Variants in NCAM2 observed in about 807,000 individuals in gnomAD.
The protein encoded by NCAM2 is N-CAM-2.
Under a neutral mutation model 98.1 loss-of-function variants are expected in NCAM2, and 30 were observed. That is an observed-to-expected ratio of 0.31 (90% CI 0.23 to 0.41). The LOEUF (loss-of-function observed/expected upper bound fraction) is 0.41. NCAM2 is among the 10% of genes least tolerant of loss of function. NCAM2 has a pLI of 1.00. For synonymous variants in NCAM2, 368 were observed against 342.4 expected (o/e 1.07, Z -0.83); for missense variants, 867 against 1,005.8 (o/e 0.86, Z 1.87).
At chr21:21,006,588 C>A (rs2064117923) in intron 1 of NCAM2, among the ~76,000 whole-genome samples, 1 of 152,130 alleles carries the variant, frequency 6.6e-6, no homozygotes, top group Non-Finnish European at 1.5e-5. Flanking sequence ...AGCCAGGCTT[C>A]CTCACAATTA....
At position 21,390,550 on chromosome 21, in the gene NCAM2, A is replaced by C. The variant is rs576517381; in HGVS notation, c.1195+16537A>C. Among the ~76,000 whole-genome samples, 60 of 152,314 alleles carry C rather than the reference A, an allele frequency of 3.9e-4. No homozygotes were observed. In the South Asian group the frequency reaches 0.012, roughly 32 times the overall value. ...CAAGTGCATTTCATAGTGTTATTGTAATTTACATCACCTTAACATAAATGT... is the reference window on the plus strand; with the variant it reads ...CAAGTGCATTTCATAGTGTTATTGTCATTTACATCACCTTAACATAAATGT... On this transcript the variant is annotated intron_variant, in intron 9 of 17. Transcript: ENST00000400546.
chr21:21,081,288 C>T (rs568816495), intron 1 of NCAM2, among the ~76,000 whole-genome samples: 7 of 152,226 alleles, frequency 4.6e-5, no homozygotes, highest in South Asian at 2.1e-4. Flanking sequence ...GAGATCTTGT[C>T]GGGAAGCTAC....
Position 20,998,568 on chromosome 21 carries a change from G to A in NCAM2, c.5G>A (p.Ser2Asn). M[S>N]LLLSFYLLGL... ...CACCGGTGTCACGTCCTGAACATGA[G>A]CCTCCTCCTCTCCTTCTACCTGCTG... is the stretch of plus-strand genomic sequence containing the variant. The change falls in exon 1 of 18, where the codon AGC becomes AAC. Residue 2 changes from serine (S) to asparagine (N), a missense_variant. Transcript: ENST00000400546. 6.2e-7 allele frequency: 1 copy of A among 1,614,018 alleles called. No homozygotes were observed. The highest frequency in any genetic ancestry group is 2.2e-5 in the East Asian group (1 of 44,836).
intron 1 of NCAM2, among the ~76,000 whole-genome samples, chr21:21,199,495 A>T (rs935734890): frequency 1.3e-5 from 2 of 152,210 alleles, no homozygotes; most frequent in African/African-American, 4.8e-5. Context: ...GGAGCAAGAC[A>T]TGGAGGCATG....
intron 1 of NCAM2, among the ~76,000 whole-genome samples, chr21:21,155,889 T>C (rs1476448696): frequency 2.0e-5 from 3 of 152,022 alleles, no homozygotes; most frequent in Non-Finnish European, 4.4e-5. Flanking sequence ...GCAGATACTT[T>C]GGGAAAAACC....
chr21:21,005,744 A>G (rs2064099146), intron 1 of NCAM2, among the ~76,000 whole-genome samples: 1 of 151,686 alleles, frequency 6.6e-6, no homozygotes, highest in South Asian at 2.1e-4. Context: ...TGCTTTATTT[A>G]TAGTTTCTTT....
At chr21:21,414,659 C>G (rs1038137341) in intron 10 of NCAM2, among the ~76,000 whole-genome samples, 6 of 151,722 alleles carry the variant, frequency 4.0e-5, no homozygotes, top group African/African-American at 1.5e-4. Context: ...TTAGTTGAGA[C>G]GGAGTTTCAC....
chr21:21,478,361 G>T (rs1767294602), intron 15 of NCAM2, among the ~76,000 whole-genome samples: 1 of 151,728 alleles, frequency 6.6e-6, no homozygotes, highest in Admixed American at 6.6e-5. Context: ...ATGAAACCAA[G>T]ATTTATTTGT....
intron 1 of NCAM2, among the ~76,000 whole-genome samples, chr21:21,202,230 T>C (rs1289914934): frequency 1.3e-5 from 2 of 152,076 alleles, no homozygotes; most frequent in Non-Finnish European, 2.9e-5. Context: ...TACCACCATA[T>C]AAATCTGGTG....
chr21:21,038,868 C>T (rs138976498), intron 1 of NCAM2, among the ~76,000 whole-genome samples: 259 of 152,180 alleles, frequency 1.7e-3, no homozygotes, highest in African/African-American at 5.9e-3. Context: ...ATACGAAGGC[C>T]GCTAAAACAT....
chr21:21,090,041 C>T (rs959714710), intron 1 of NCAM2, among the ~76,000 whole-genome samples: 3 of 152,076 alleles, frequency 2.0e-5, no homozygotes, highest in Admixed American at 6.5e-5. Flanking sequence ...TACCCTGCAA[C>T]GACTTTCTAC....
intron 16 of NCAM2, among the ~76,000 whole-genome samples, chr21:21,513,711 T>C (rs1355337617): frequency 6.6e-6 from 1 of 152,114 alleles, no homozygotes; most frequent in Non-Finnish European, 1.5e-5. Context: ...ATTAGGTCCA[T>C]TTGGTCTATA....
At chr21:21,371,223 G>A (rs559265710) in intron 8 of NCAM2, among the ~76,000 whole-genome samples, 3 of 151,878 alleles carry the variant, frequency 2.0e-5, no homozygotes, top group South Asian at 2.1e-4. Flanking sequence ...AGAAACTGGT[G>A]GATTTGATAC....
At chr21:21,094,079 T>C (rs2066068342) in intron 1 of NCAM2, among the ~76,000 whole-genome samples, 1 of 151,962 alleles carries the variant, frequency 6.6e-6, no homozygotes, top group African/African-American at 2.4e-5. Context: ...CAGTGTCTCA[T>C]TTTGACACAA....
rs2073103717 is a variant in NCAM2 at position 21,286,424 on chromosome 21, G to A, written c.481+12G>A. 3 of 1,609,900 alleles carry A rather than the reference G, an allele frequency of 1.9e-6. No individual in the cohort carries two copies. Among genetic ancestry groups the A allele is most frequent in the Admixed American group, 3.4e-5 (2 of 59,640 alleles). On this transcript the variant is annotated intron_variant, in intron 4 of 17. Transcript: ENST00000400546. ...CACTATTTCCGACAGTTAGTATTTT[G>A]GTAACTCCCTAAGTTATATGTTCTA... is the stretch of plus-strand genomic sequence containing the variant.
chr21:21,039,663 A>G (rs899249545), intron 1 of NCAM2, among the ~76,000 whole-genome samples: 5 of 152,196 alleles, frequency 3.3e-5, no homozygotes, highest in African/African-American at 1.2e-4. Context: ...TTAAATAATC[A>G]TTTGGATTTT....
intron 1 of NCAM2, among the ~76,000 whole-genome samples, chr21:21,178,156 T>C (rs978047960): frequency 6.6e-6 from 1 of 152,150 alleles, no homozygotes. Context: ...TGCTGTTTTC[T>C]TCTTACAATG....
rs187530342 is a variant in NCAM2, at chr21:21,458,092, G to A, written c.1655-8514G>A. 4.0e-3 allele frequency among the ~76,000 whole-genome samples: 615 copies of A among 152,340 alleles called. 5 individuals carry two copies. The highest frequency in any genetic ancestry group is 4.0e-3 in the Non-Finnish European group (274 of 68,036). ...GGTTCAGGTGCCTAGGAGACAGGAAGTTTCAAAGGAAGGTTTGAAGGTGCC... is the reference window on the plus strand; with the variant it reads ...GGTTCAGGTGCCTAGGAGACAGGAAATTTCAAAGGAAGGTTTGAAGGTGCC... On this transcript the variant is annotated intron_variant, in intron 12 of 17. Coordinates refer to ENST00000400546, the MANE Select transcript of NCAM2 (RefSeq NM_004540.5).
chr21:21,011,368 G>T (rs2064206977), intron 1 of NCAM2, among the ~76,000 whole-genome samples: 1 of 151,978 alleles, frequency 6.6e-6, no homozygotes, highest in South Asian at 2.1e-4. Context: ...AAGAAACGAG[G>T]AGTTGCAGAA....
Sources: gnomAD v4.1 joint callset for allele counts (sites outside exome capture counted in the v4.1 genomes callset) on GRCh38, gnomAD v4.1.1 for gene constraint, MANE v1.5 for transcripts, NCBI Gene and HGNC (gene_info 2026-07-23, HGNC 2026-07-21) for gene names.